SCARA3: variants seen among roughly 807,000 people sequenced by gnomAD.
The protein encoded by SCARA3 is cellular stress response gene protein.
Under a neutral mutation model 47.0 loss-of-function variants are expected in SCARA3, and 39 were observed. That is an observed-to-expected ratio of 0.83 (90% CI 0.64 to 1.08). SCARA3 has a LOEUF of 1.08. SCARA3 is among the 50% of genes least tolerant of loss of function. SCARA3 has a pLI of 0.00. For synonymous variants in SCARA3, 356 were observed against 334.1 expected (o/e 1.07, Z -0.71); for missense variants, 724 against 792.3 (o/e 0.91, Z 1.04).
the SCARA3 span, chr8:27,703,590 G>A: frequency 2.0e-5 from 3 of 152,260 alleles, no homozygotes; most frequent in East Asian, 5.8e-4. Flanking sequence ...CAGGATGCAG[G>A]TGCAGTCTGG....
chr8:27,645,256 T>C (rs987374445), intron 1 of SCARA3, among the ~76,000 whole-genome samples: 4 of 152,340 alleles, frequency 2.6e-5, no homozygotes, highest in Admixed American at 6.5e-5. Flanking sequence ...TAAATACACA[T>C]GAGCTCCTGA....
chr8:27,700,552 A>T, the SCARA3 span, among the ~76,000 whole-genome samples: 1 of 152,000 alleles, frequency 6.6e-6, no homozygotes, highest in African/African-American at 2.4e-5. Flanking sequence ...AGTTGCAGTG[A>T]GCTGAGATCA....
At chr8:27,693,718 G>A in the SCARA3 span, among the ~76,000 whole-genome samples, 1 of 152,056 alleles carries the variant, frequency 6.6e-6, no homozygotes, top group Non-Finnish European at 1.5e-5. Context: ...AACACTTACG[G>A]TCCATTCTGT....
upstream of SCARA3, among the ~76,000 whole-genome samples, chr8:27,633,512 A>T (rs530594454): frequency 6.6e-6 from 1 of 152,274 alleles, no homozygotes; most frequent in African/African-American, 2.4e-5. Flanking sequence ...AAAAACGTGC[A>T]GGGCTAAAAT....
chr8:27,703,900 G>GA, the SCARA3 span: 3 of 123,362 alleles, frequency 2.4e-5, no homozygotes, highest in African/African-American at 9.1e-5. Flanking sequence ...TACCTGTGGG[G>GA]AAAAAAACAT....
At chr8:27,677,636 A>T (rs1338779330), downstream of SCARA3, among the ~76,000 whole-genome samples, 1 of 152,250 alleles carries the variant, frequency 6.6e-6, no homozygotes, top group Non-Finnish European at 1.5e-5. Context: ...TCAATAATTG[A>T]TAGAATAAGT....
At chr8:27,669,348 C>T (rs1019352401) in intron 5 of SCARA3, among the ~76,000 whole-genome samples, 10 of 152,256 alleles carry the variant, frequency 6.6e-5, no homozygotes, top group South Asian at 2.1e-4. Flanking sequence ...TTTTCCAAAC[C>T]GCAGCTGGCC....
chr8:27,683,431 A>T, the SCARA3 span, among the ~76,000 whole-genome samples: 1 of 152,160 alleles, frequency 6.6e-6, no homozygotes, highest in Non-Finnish European at 1.5e-5. Context: ...CCTTTTTTGT[A>T]TATAAACTAT....
the SCARA3 span, among the ~76,000 whole-genome samples, chr8:27,695,770 C>T: frequency 6.6e-6 from 1 of 151,878 alleles, no homozygotes; most frequent in East Asian, 1.9e-4. Flanking sequence ...AATTTAATGG[C>T]ACATTGGAAA....
chr8:27,692,898 G>A, the SCARA3 span, among the ~76,000 whole-genome samples: 3 of 152,062 alleles, frequency 2.0e-5, no homozygotes, highest in Admixed American at 1.3e-4. Flanking sequence ...GCCAAGGCAC[G>A]TGCATCACTT....
At chr8:27,684,619 A>G in the SCARA3 span, among the ~76,000 whole-genome samples, 1 of 151,140 alleles carries the variant, frequency 6.6e-6, no homozygotes, top group Non-Finnish European at 1.5e-5. Flanking sequence ...GTGAGCTATG[A>G]TTGTGCCACT....
chr8:27,672,814 AG>A lies in SCARA3; in HGVS notation c.*1465del. 1.0e-6 allele frequency: 1 copy of A among 985,634 alleles called. No homozygotes were observed. Among genetic ancestry groups the A allele is most frequent in the African/African-American group, 1.7e-5 (1 of 57,370 alleles). 61.1% of individuals were successfully genotyped at this position (985,634 alleles called of 1,614,324 possible). A position where few individuals can be genotyped will look rare whatever the true frequency, so the allele number is the denominator to read the frequency against. On this transcript the variant is annotated 3_prime_UTR_variant, in exon 6 of 6. Coordinates refer to ENST00000301904, the MANE Select transcript of SCARA3 (RefSeq NM_016240.3). ...GGCACCACCCCCTCCACCGCCCGCA[AG>A]GTTAGGGCATAGAGTTGTCTCCTTC...
At chr8:27,731,868 G>A in the SCARA3 span, among the ~76,000 whole-genome samples, 2 of 151,984 alleles carry the variant, frequency 1.3e-5, no homozygotes, top group Non-Finnish European at 2.9e-5. Flanking sequence ...TTCTGGCAAG[G>A]CTAGGCTGGT....
rs753854731 is a variant in SCARA3, at chr8:27,671,172, C to T, written c.1642C>T (p.Pro548Ser). Residue 548 changes from proline to serine, a missense_variant, in exon 6 of 6, where the codon CCA (proline) becomes TCA (serine). Pro to Ser is a moderately conservative substitution (Grantham distance 74, BLOSUM62 -1). Transcript: ENST00000301904. ...AAAAGGGGACATAGGGCCCCCAGGG[C>T]CAGAAGGGCCCCCGGGGTCTCCAGG... Reference protein sequence around the residue: ...GPKGDIGPPGPEGPPGSPGPS... With the variant: ...GPKGDIGPPGSEGPPGSPGPS... 2.0e-6 allele frequency: 3 copies of T among 1,523,452 alleles called. No homozygotes were observed. The highest frequency in any genetic ancestry group is 1.8e-6 in the Non-Finnish European group (2 of 1,139,722). 94.4% of individuals were successfully genotyped at this position (1,523,452 alleles called of 1,614,324 possible).
intron 5 of SCARA3, among the ~76,000 whole-genome samples, chr8:27,668,335 T>G (rs983879717): frequency 6.8e-6 from 1 of 146,392 alleles, no homozygotes; most frequent in Admixed American, 6.7e-5. Flanking sequence ...GGTCAGGAGA[T>G]CGAGACCATC....
At chr8:27,721,451 T>G in the SCARA3 span, among the ~76,000 whole-genome samples, 1 of 152,218 alleles carries the variant, frequency 6.6e-6, no homozygotes, top group Middle Eastern at 3.4e-3. Context: ...TACAGTATGG[T>G]AGATAAATGT....
At chr8:27,640,018 C>T (rs979557490) in intron 1 of SCARA3, among the ~76,000 whole-genome samples, 4 of 149,166 alleles carry the variant, frequency 2.7e-5, no homozygotes, top group African/African-American at 1.0e-4. Context: ...AGGGATGGCC[C>T]GTGCTCATTG....
chr8:27,646,811 G>A (rs1801502614), intron 1 of SCARA3, among the ~76,000 whole-genome samples: 1 of 152,120 alleles, frequency 6.6e-6, no homozygotes, highest in African/African-American at 2.4e-5. Flanking sequence ...GACTGCCCAG[G>A]CCAGGCTTCC....
chr8:27,672,523 A>G lies in SCARA3; in HGVS notation c.*1172A>G, dbSNP rs1002808392. ...ACAGGGCAGCTCTCGCCTCCCGCAC[A>G]CGGCTCTCCTGATCACAGCTGCATG... On this transcript the variant is annotated 3_prime_UTR_variant, in exon 6 of 6. Coordinates refer to ENST00000301904, the MANE Select transcript of SCARA3 (RefSeq NM_016240.3). 34 of 985,696 alleles carry G rather than the reference A, an allele frequency of 3.4e-5. No homozygotes were observed. Among genetic ancestry groups the G allele is most frequent in the Non-Finnish European group, 4.1e-5 (34 of 830,158 alleles). The allele number at this position is 985,696 out of a possible 1,614,324, so 61.1% of individuals were successfully genotyped here.
Sources: allele counts gnomAD v4.1 joint callset (sites outside exome capture counted in the v4.1 genomes callset), GRCh38; gene constraint gnomAD v4.1.1; transcripts MANE v1.5; gene names NCBI Gene and HGNC (gene_info 2026-07-23, HGNC 2026-07-21).